Variants in HERC1 observed in about 807,000 individuals in gnomAD.
HERC1 encodes HECT and RLD domain containing E3 ubiquitin protein ligase family member 1.
HERC1 carries 160 observed loss-of-function variants against 554.3 expected under a neutral mutation model. The ratio of observed to expected loss-of-function variants is 0.29; its 90% CI spans 0.25 to 0.33. The LOEUF (loss-of-function observed/expected upper bound fraction) is 0.33. HERC1 is among the 10% of genes least tolerant of loss of function. HERC1 has a pLI of 1.00. For missense variants in HERC1, 4,919 were observed against 5,918.5 expected, an observed-to-expected ratio of 0.83 and a Z score of 5.54; for synonymous variants, 2,175 against 2,131.7, an observed-to-expected ratio of 1.02 and a Z score of -0.56.
intron 24 of HERC1, among the ~76,000 whole-genome samples, chr15:63,711,117 T>G (rs61138406): frequency 0.011 from 1,602 of 152,206 alleles, 22 homozygotes; most frequent in African/African-American, 0.037. Flanking sequence ...GAGGATCACT[T>G]GAGGCCAGGA....
chr15:63,805,038 G>A (rs2077096817), intron 1 of HERC1, among the ~76,000 whole-genome samples: 1 of 152,146 alleles, frequency 6.6e-6, no homozygotes, highest in Non-Finnish European at 1.5e-5. Flanking sequence ...ATAAACACAC[G>A]CTGTACTTAG....
rs992794855 is a variant in HERC1 at position 63,612,169 on chromosome 15, C to T, written c.14400+82G>A. 3 of 1,273,148 alleles carry T rather than the reference C, an allele frequency of 2.4e-6. No individual in the cohort carries two copies. Among genetic ancestry groups the T allele is most frequent in the Non-Finnish European group, 3.2e-6 (3 of 925,756 alleles). The allele number at this position is 1,273,148 out of a possible 1,614,324, so 78.9% of individuals were successfully genotyped here. A position where few individuals can be genotyped will look rare whatever the true frequency, so the allele number is the denominator to read the frequency against. On this transcript the variant is annotated intron_variant, in intron 77 of 77. Coordinates refer to ENST00000443617, the MANE Select transcript of HERC1 (RefSeq NM_003922.4). This position sits in a 1 kb window ranked among gnomAD's most constrained non-coding sequence, Gnocchi z 5.0. ...TGCCACTGCACTCCAGCCTGGGCCACAGAGTGAGACCCTGTCTCAACAAAA... is the reference window on the plus strand; with the variant it reads ...TGCCACTGCACTCCAGCCTGGGCCATAGAGTGAGACCCTGTCTCAACAAAA...
chr15:63,825,890 G>A (rs1441938818), intron 1 of HERC1, among the ~76,000 whole-genome samples: 1 of 151,788 alleles, frequency 6.6e-6, no homozygotes, highest in Non-Finnish European at 1.5e-5. Context: ...AGCCTCCCGA[G>A]TAGCTGGGAT....
chr15:63,654,279 G>C lies in HERC1; in HGVS notation c.10130C>G (p.Ser3377Cys), dbSNP rs1244615619. Residue 3377 changes from serine (S) to cysteine (C), a missense_variant, in exon 51 of 78, where the codon TCC (serine) becomes TGC (cysteine). Transcript: ENST00000443617. ...TTGCCGATGCTGTGAGGACAGCCTGGAGGAGAGGCAGCAGGCTGCCAGGGC... is the reference window on the plus strand; with the variant it reads ...TTGCCGATGCTGTGAGGACAGCCTGCAGGAGAGGCAGCAGGCTGCCAGGGC... Reference protein sequence around the residue: ...ANALAACCLSSRLSSQHRQWA... With the variant: ...ANALAACCLSCRLSSQHRQWA... The C allele has an allele frequency of 6.2e-7, 1 of 1,613,994 alleles. No individual in the cohort carries two copies. The highest frequency in any genetic ancestry group is 8.5e-7 in the Non-Finnish European group (1 of 1,179,856).
intron 22 of HERC1, among the ~76,000 whole-genome samples, chr15:63,713,917 T>C (rs945282965): frequency 1.3e-5 from 2 of 152,206 alleles, no homozygotes; most frequent in Non-Finnish European, 2.9e-5. Context: ...GTAATCACAA[T>C]TCAAATGTTA....
intron 33 of HERC1, among the ~76,000 whole-genome samples, chr15:63,688,023 A>C (rs555230190): frequency 6.6e-6 from 1 of 152,368 alleles, no homozygotes; most frequent in South Asian, 2.1e-4. Flanking sequence ...TATTTTAAGC[A>C]GGGGATGAAC....
At chr15:63,764,214 C>A in intron 2 of HERC1, 23 bp from the exon 3 acceptor site, 1 of 1,523,134 alleles carries the variant, frequency 6.6e-7, no homozygotes, top group South Asian at 1.2e-5. Flanking sequence ...CATTGCGGGA[C>A]ACAGCGTAGG....
Position 63,624,215 on chromosome 15 carries a change from G to A in HERC1, c.13388C>T (p.Thr4463Ile). ...TCCATAGTTTTTGCCTTGAACCATG[G>A]TTTTTCCTATGGAGCGCACCATTGG... ...TLPMVRSIGKTMVQGKNYGPQ... is the reference protein window; with the variant it reads ...TLPMVRSIGKIMVQGKNYGPQ... Residue 4463 changes from threonine (T) to isoleucine (I), a missense_variant, in exon 72 of 78, where the codon ACC becomes ATC. Thr to Ile is a moderately conservative substitution (Grantham distance 89, BLOSUM62 -1). Coordinates refer to ENST00000443617, the MANE Select transcript of HERC1 (RefSeq NM_003922.4). 1 of 1,613,946 alleles carries A rather than the reference G, an allele frequency of 6.2e-7. No homozygotes were observed. Among genetic ancestry groups the A allele is most frequent in the Non-Finnish European group, 8.5e-7 (1 of 1,179,838 alleles).
At chr15:63,716,570 T>C in intron 21 of HERC1, 97 bp from the exon 22 acceptor site, 1 of 986,834 alleles carries the variant, frequency 1.0e-6, no homozygotes, top group Non-Finnish European at 1.4e-6. Context: ...GAAAATATTG[T>C]TGATATCAGT....
At chr15:63,687,963 G>C (rs760778652) in intron 33 of HERC1, among the ~76,000 whole-genome samples, 1 of 152,158 alleles carries the variant, frequency 6.6e-6, no homozygotes, top group Non-Finnish European at 1.5e-5. Context: ...AAAAGGGAAA[G>C]GTCAAGGAAC....
rs752858053 is a variant in HERC1, at chr15:63,643,395, T to C, written c.11331+9A>G. The C allele has an allele frequency of 5.0e-6, 8 of 1,602,438 alleles. No individual in the cohort carries two copies. The South Asian group carries it at 7.9e-5, about 16-fold the overall frequency. On this transcript the variant is annotated intron_variant, in intron 58 of 77. Coordinates refer to ENST00000443617, the MANE Select transcript of HERC1 (RefSeq NM_003922.4). Reference sequence around the variant, plus strand: ...TTCCTTAACATAAAAATAAAATCTATGCTCTTACCCTTAAAGACCAAATGT... The same window carrying C: ...TTCCTTAACATAAAAATAAAATCTACGCTCTTACCCTTAAAGACCAAATGT...
rs976493818 is a variant in HERC1, at chr15:63,654,024, AAG to A, written c.10290+93_10290+94del. ...TGTACGTGTGAAAGAGAGTGACACA[AAG>A]AGAGAGACCTAAACTTTGAGCTCCT... On this transcript the variant is annotated intron_variant, in intron 51 of 77. Coordinates refer to ENST00000443617, the MANE Select transcript of HERC1 (RefSeq NM_003922.4). 2.2e-4 allele frequency: 201 copies of A among 921,326 alleles called. 3 individuals carry two copies. The Admixed American group carries it at 3.2e-3, about 15-fold the overall frequency. The allele number at this position is 921,326 out of a possible 1,614,324, so 57.1% of individuals were successfully genotyped here. A position where few individuals can be genotyped will look rare whatever the true frequency, so the allele number is the denominator to read the frequency against.
intron 60 of HERC1, among the ~76,000 whole-genome samples, 185 bp from the exon 61 acceptor site, chr15:63,640,630 C>T (rs758546509): frequency 2.0e-5 from 3 of 152,250 alleles, no homozygotes; most frequent in Admixed American, 6.5e-5. Context: ...GTATACCCTT[C>T]GCCCAACTTT....
chr15:63,713,541 T>C lies in HERC1; in HGVS notation c.4275A>G (p.Arg1425=). 6.2e-7 allele frequency: 1 copy of C among 1,613,990 alleles called. No homozygotes were observed. The highest frequency in any genetic ancestry group is 8.5e-7 in the Non-Finnish European group (1 of 1,179,888). ...DDPPPQSQQE[R]RVSTDLPEGQ... Reference sequence around the variant, plus strand: ...CCTCAGGAAGGTCTGTGCTGACCCTTCGCTCTTGCTGAGACTGAGGAGGTG... The same window carrying C: ...CCTCAGGAAGGTCTGTGCTGACCCTCCGCTCTTGCTGAGACTGAGGAGGTG... Residue 1425 remains arginine (R), a synonymous_variant, in exon 23 of 78, where the codon CGA becomes CGG. Transcript: ENST00000443617.
intron 40 of HERC1, among the ~76,000 whole-genome samples, chr15:63,666,844 A>G (rs1251272629): frequency 4.6e-5 from 7 of 152,202 alleles, no homozygotes; most frequent in Non-Finnish European, 1.5e-5. Flanking sequence ...GTCCCTCAAC[A>G]TATGTGTTCA....
At position 63,764,119 on chromosome 15, in the gene HERC1, C is replaced by T. The variant is rs1282706501; in HGVS notation, c.1003G>A (p.Ala335Thr). ...ACCTCTTCAAAGAGACATAATGCTG[C>T]CTCGTAAAGGGAGCACAAGCCATCC... Reference protein sequence around the residue: ...TSDGLCSLYEAALCLFEEVCR... With the variant: ...TSDGLCSLYETALCLFEEVCR... The change falls in exon 3 of 78, where the codon GCA (alanine) becomes ACA (threonine). Residue 335 changes from alanine to threonine, a missense_variant. By Grantham distance (58) the Ala-to-Thr change is moderately conservative (BLOSUM62 0). This residue lies in a region of HERC1 where 744 missense variants were observed against 1,090.0 expected (regional missense o/e 0.68). Transcript: ENST00000443617. 1 of 1,609,424 alleles carries T rather than the reference C, an allele frequency of 6.2e-7. No individual in the cohort carries two copies. The highest frequency in any genetic ancestry group is 1.7e-5 in the Admixed American group (1 of 59,394).
rs769418294 is a variant in HERC1, at chr15:63,692,402, G to A, written c.5830+9C>T. 1.1e-5 allele frequency: 17 copies of A among 1,591,996 alleles called. No homozygotes were observed. The East Asian group carries it at 1.1e-4, about 10-fold the overall frequency. On this transcript the variant is annotated intron_variant, in intron 31 of 77. Coordinates refer to ENST00000443617, the MANE Select transcript of HERC1 (RefSeq NM_003922.4). The surrounding 1 kb of genome is among the most constrained non-coding windows in gnomAD (Gnocchi z 4.7). ...TAAATACTCTAAGACAAAGGCAAAG[G>A]ACATGTACCTGAAGAACATTTCTGA...
chr15:63,777,657 G>T (rs950199136), intron 1 of HERC1, among the ~76,000 whole-genome samples: 1 of 152,068 alleles, frequency 6.6e-6, no homozygotes, highest in African/African-American at 2.4e-5. Flanking sequence ...CCTCAACATT[G>T]CAAATATTTC....
intron 21 of HERC1, 117 bp from the exon 22 acceptor site, chr15:63,716,590 T>G (rs893213067): frequency 2.5e-6 from 2 of 805,862 alleles, no homozygotes; most frequent in Non-Finnish European, 3.7e-6. Context: ...TAATAACACA[T>G]GAACTTTACT....
Sources: gnomAD v4.1 joint callset for allele counts (sites outside exome capture counted in the v4.1 genomes callset) on GRCh38, gnomAD v4.1.1 for gene constraint, gnomAD v4.1.1 regional missense constraint, Gnocchi (gnomAD v3.1) non-coding constraint, MANE v1.5 for transcripts, NCBI Gene and HGNC (gene_info 2026-07-23, HGNC 2026-07-21) for gene names.